Variants in ZNF207 observed in about 807,000 individuals in gnomAD.
ZNF207 encodes BUB3-interacting and GLEBS motif-containing protein ZNF207.
In ZNF207, 24 loss-of-function variants were observed where a neutral mutation model predicts 60.2. The ratio of observed to expected loss-of-function variants is 0.40; its 90% confidence interval spans 0.29 to 0.56. ZNF207 has a LOEUF of 0.56. ZNF207 is among the 20% of genes least tolerant of loss of function. The probability of loss-of-function intolerance (pLI) is 0.49; values close to 1 mark genes in which losing one functional copy is unlikely to be tolerated. For synonymous variants in ZNF207, 236 were observed against 194.7 expected (o/e 1.21, Z -1.77); for missense variants, 452 against 636.6 (o/e 0.71, Z 3.12).
At chr17:32,355,659 G>A (rs1904465499) in intron 2 of ZNF207, among the ~76,000 whole-genome samples, 1 of 152,180 alleles carries the variant, frequency 6.6e-6, no homozygotes, top group Admixed American at 6.5e-5. Flanking sequence ...GGACTGTAGT[G>A]TGGTTGGAAA....
rs758678843 is a variant in ZNF207 at position 32,360,641 on chromosome 17, T to C, written c.351T>C (p.Asp117=). ...AACAAGATGATTCTGATGAATATGATGATGACGACTCTGCAGCCTCAACTT... is the reference window on the plus strand; with the variant it reads ...AACAAGATGATTCTGATGAATATGACGATGACGACTCTGCAGCCTCAACTT... ...KKQQDDSDEY[D]DDDSAASTSF... Residue 117 remains aspartate, a synonymous_variant, in exon 4 of 12, where the codon GAT becomes GAC. Transcript: ENST00000394670. 59 of 1,613,628 alleles carry C rather than the reference T, an allele frequency of 3.7e-5. No homozygotes were observed. The Middle Eastern group carries it at 4.9e-4, about 13-fold the overall frequency.
rs537176690 is a variant in ZNF207 at position 32,357,204 on chromosome 17, C to A, written c.169-1299C>A. Among the ~76,000 whole-genome samples the A allele has an allele frequency of 1.9e-3, 288 of 149,990 alleles. 1 individual carries two copies. Among genetic ancestry groups the A allele is most frequent in the African/African-American group, 6.8e-3 (275 of 40,212 alleles). ...CTTAAAAAAAAAAAAAAGTAAAATG[C>A]CTCACGTAACTCATTAGTTACAAGT... On this transcript the variant is annotated intron_variant, in intron 2 of 11. Coordinates refer to ENST00000394670, the MANE Select transcript of ZNF207 (RefSeq NM_001098507.2).
Position 32,376,072 on chromosome 17 carries a change from T to A in ZNF207, c.*6313T>A, listed in dbSNP as rs1237112862. Reference sequence around the variant, plus strand: ...TTCTTGGCAAAATAAGCACTTGATGTATGGTCATGTACATAATGGATATTC... The same window carrying A: ...TTCTTGGCAAAATAAGCACTTGATGAATGGTCATGTACATAATGGATATTC... On this transcript the variant is annotated 3_prime_UTR_variant, in exon 12 of 12. Transcript: ENST00000394670. The A allele has an allele frequency of 6.6e-6, 1 of 152,052 alleles. No individual in the cohort carries two copies. Among genetic ancestry groups the A allele is most frequent in the Non-Finnish European group, 1.5e-5 (1 of 67,940 alleles). The allele number at this position is 152,052 out of a possible 1,614,324, so 9.4% of individuals were successfully genotyped here.
intron 2 of ZNF207, among the ~76,000 whole-genome samples, chr17:32,352,522 C>G (rs373388930): frequency 6.6e-5 from 10 of 152,112 alleles, no homozygotes; most frequent in African/African-American, 2.4e-4. Flanking sequence ...GTACTTGGAG[C>G]AGAGAACAAG....
intron 9 of ZNF207, among the ~76,000 whole-genome samples, 156 bp from the exon 10 acceptor site, chr17:32,367,616 G>A (rs1184450310): frequency 2.0e-5 from 3 of 151,950 alleles, no homozygotes; most frequent in Non-Finnish European, 4.4e-5. Context: ...GGGTTATCTT[G>A]AATTTTGTGG....
intron 2 of ZNF207, among the ~76,000 whole-genome samples, chr17:32,355,493 T>A (rs1329042175): frequency 6.6e-6 from 1 of 152,216 alleles, no homozygotes; most frequent in Non-Finnish European, 1.5e-5. Flanking sequence ...AGTGTAGGTA[T>A]GTTTGAGGTC....
In ZNF207 at chr17:32,371,877, C is replaced by T. The variant is rs1388952185; in HGVS notation, c.*2118C>T. ...TATTTCTTTCTGCCAGCAGCCAAGT[C>T]CCAAACCACTTTCCCCTCTGAACCT... On this transcript the variant is annotated 3_prime_UTR_variant, in exon 12 of 12. Coordinates refer to ENST00000394670, the MANE Select transcript of ZNF207 (RefSeq NM_001098507.2). 1.3e-5 allele frequency: 2 copies of T among 152,200 alleles called. No homozygotes were observed. The highest frequency in any genetic ancestry group is 4.8e-5 in the African/African-American group (2 of 41,430). The allele number at this position is 152,200 out of a possible 1,614,324, so 9.4% of individuals were successfully genotyped here.
At chr17:32,358,715 T>C in intron 3 of ZNF207, 74 bp downstream of exon 3, 3 of 1,181,220 alleles carry the variant, frequency 2.5e-6, no homozygotes, top group Non-Finnish European at 3.3e-6. Flanking sequence ...AGAGGCTTAC[T>C]CTGTCCAGCC....
In ZNF207 at chr17:32,376,860, G is replaced by C. The variant is rs1905693578; in HGVS notation, c.*7101G>C. 2 of 152,022 alleles carry C rather than the reference G, an allele frequency of 1.3e-5. No individual in the cohort carries two copies. The highest frequency in any genetic ancestry group is 6.6e-5 in the Admixed American group (1 of 15,266). 9.4% of individuals were successfully genotyped at this position (152,022 alleles called of 1,614,324 possible). On this transcript the variant is annotated 3_prime_UTR_variant, in exon 12 of 12. Coordinates refer to ENST00000394670, the MANE Select transcript of ZNF207 (RefSeq NM_001098507.2). ...CCCATTAATTCTAAATGATGTAATG[G>C]TCTATAAGGTAGTAATCTGGCACAG... is the stretch of plus-strand genomic sequence containing the variant.
In ZNF207 at chr17:32,378,365, A is replaced by C. The variant is rs932730581; in HGVS notation, c.*8606A>C. The C allele has an allele frequency of 4.6e-5, 7 of 152,084 alleles. No individual in the cohort carries two copies. The highest frequency in any genetic ancestry group is 4.6e-4 in the Admixed American group (7 of 15,268). The allele number at this position is 152,084 out of a possible 1,614,324, so 9.4% of individuals were successfully genotyped here. A position where few individuals can be genotyped will look rare whatever the true frequency, so the allele number is the denominator to read the frequency against. On this transcript the variant is annotated 3_prime_UTR_variant, in exon 12 of 12. Coordinates refer to ENST00000394670, the MANE Select transcript of ZNF207 (RefSeq NM_001098507.2). ...TCACCTTTTAACTTTTTACATTATG[A>C]ATCAACCTAAGAAAAAAGGCAAGTT...
Position 32,377,591 on chromosome 17 carries a change from G to T in ZNF207, c.*7832G>T, listed in dbSNP as rs370810502. The T allele has an allele frequency of 6.6e-6, 1 of 151,950 alleles. No homozygotes were observed. The highest frequency in any genetic ancestry group is 1.5e-5 in the Non-Finnish European group (1 of 67,824). 9.4% of individuals were successfully genotyped at this position (151,950 alleles called of 1,614,324 possible). ...TTTTAAAAATTGCTTGTCTTTGGGG[G>T]TATGTCTACATATTCGTTTAAATTT... On this transcript the variant is annotated 3_prime_UTR_variant, in exon 12 of 12. Transcript: ENST00000394670.
At chr17:32,354,738 C>A (rs1033963900) in intron 2 of ZNF207, among the ~76,000 whole-genome samples, 1 of 152,022 alleles carries the variant, frequency 6.6e-6, no homozygotes, top group Non-Finnish European at 1.5e-5. Context: ...CTCAGCCTCT[C>A]GAGTAGCTGG....
Position 32,362,789 on chromosome 17 carries a change from AT to A in ZNF207, c.600-122del, listed in dbSNP as rs1212761742. 3 of 633,110 alleles carry A rather than the reference AT, an allele frequency of 4.7e-6. No homozygotes were observed. In the African/African-American group the frequency reaches 5.6e-5, roughly 12 times the overall value. 39.2% of individuals were successfully genotyped at this position (633,110 alleles called of 1,614,324 possible). On this transcript the variant is annotated intron_variant, in intron 6 of 11. Transcript: ENST00000394670. ...TTGTGTGTTCTTTCAGCTTTGATTC[AT>A]TTCAGTATTAGAGGTCAGATTCAAG...
chr17:32,362,119 C>CT (rs1227918026), intron 6 of ZNF207, among the ~76,000 whole-genome samples: 4 of 135,200 alleles, frequency 3.0e-5, no homozygotes, highest in Admixed American at 1.5e-4. Context: ...TTTCCTTTCT[C>CT]TAAAAAAAAA....
In ZNF207 at chr17:32,367,963, A is replaced by G. The variant is rs752400300; in HGVS notation, c.1113A>G (p.Thr371=). The G allele has an allele frequency of 1.4e-5, 23 of 1,614,086 alleles. No homozygotes were observed. Among genetic ancestry groups the G allele is most frequent in the Non-Finnish European group, 1.9e-5 (22 of 1,180,030 alleles). Residue 371 remains threonine, a synonymous_variant, in exon 10 of 12, where the codon ACA becomes ACG. Transcript: ENST00000394670. ...TAACAAGTAAGCCTGCTACACTTAC[A>G]ACAACTAGTGCAACCAGTAAGTTGA... The part of the protein sequence containing the change: ...ASITSKPATL[T]TTSATSKLIH...
In ZNF207 at chr17:32,371,427, T is replaced by C. The variant is rs1905457906; in HGVS notation, c.*1668T>C. The C allele has an allele frequency of 6.6e-6, 1 of 152,116 alleles. No individual in the cohort carries two copies. The highest frequency in any genetic ancestry group is 1.5e-5 in the Non-Finnish European group (1 of 68,018). 9.4% of individuals were successfully genotyped at this position (152,116 alleles called of 1,614,324 possible). On this transcript the variant is annotated 3_prime_UTR_variant, in exon 12 of 12. Coordinates refer to ENST00000394670, the MANE Select transcript of ZNF207 (RefSeq NM_001098507.2). ...AAAGTCATACCTTTAAGCAAAACAT[T>C]GCAAGTATTATAAAGCTGAATGCTA...
At position 32,360,956 on chromosome 17, in the gene ZNF207, C is replaced by A. The variant is rs751207979; in HGVS notation, c.540C>A (p.Gly180=). ...LMPGMPPVMP[G]MPPGLHHQRK... Reference sequence around the variant, plus strand: ...CAGGAATGCCACCAGTTATGCCAGGCATGCCACCTGGGTAAGAAAATTCTT... The same window carrying A: ...CAGGAATGCCACCAGTTATGCCAGGAATGCCACCTGGGTAAGAAAATTCTT... Residue 180 remains glycine (G), a synonymous_variant, in exon 5 of 12, where the codon GGC becomes GGA. Coordinates refer to ENST00000394670, the MANE Select transcript of ZNF207 (RefSeq NM_001098507.2). 6.2e-7 allele frequency: 1 copy of A among 1,613,436 alleles called. No individual in the cohort carries two copies.
rs1905900901 is a variant in ZNF207, at chr17:32,381,875, TTTA to T, written c.*12122_*12124del. 6.6e-6 allele frequency: 1 copy of T among 152,228 alleles called. No homozygotes were observed. Among genetic ancestry groups the T allele is most frequent in the South Asian group, 2.1e-4 (1 of 4,836 alleles). 9.4% of individuals were successfully genotyped at this position (152,228 alleles called of 1,614,324 possible). A position where few individuals can be genotyped will look rare whatever the true frequency, so the allele number is the denominator to read the frequency against. ...CTACAAAGATGAATAAAATCTTTCA[TTTA>T]TTATTTATGATACTTGTCTGAGCCC... On this transcript the variant is annotated 3_prime_UTR_variant, in exon 12 of 12. Coordinates refer to ENST00000394670, the MANE Select transcript of ZNF207 (RefSeq NM_001098507.2).
In ZNF207 at chr17:32,378,090, A is replaced by AACAC; in HGVS notation, c.*8331_*8332insACAC. On this transcript the variant is annotated 3_prime_UTR_variant, in exon 12 of 12. Coordinates refer to ENST00000394670, the MANE Select transcript of ZNF207 (RefSeq NM_001098507.2). ...TACTTAAATGTTAGTATAACTAATA[A>AACAC]TAGATCCATTGGACACTTTAAACAC... 6.6e-6 allele frequency: 1 copy of AACAC among 152,244 alleles called. No homozygotes were observed. The highest frequency in any genetic ancestry group is 2.4e-5 in the African/African-American group (1 of 41,216). 9.4% of individuals were successfully genotyped at this position (152,244 alleles called of 1,614,324 possible).
Sources: allele counts gnomAD v4.1 joint callset (sites outside exome capture counted in the v4.1 genomes callset), GRCh38; gene constraint gnomAD v4.1.1; transcripts MANE v1.5; gene names NCBI Gene and HGNC (gene_info 2026-07-23, HGNC 2026-07-21).